The following SERPINB6 variants were observed in gnomAD, a reference collection of about 807,000 sequenced individuals.
SERPINB6 encodes serpin family B member 6.
SERPINB6 carries 16 observed loss-of-function variants against 26.1 expected under a neutral mutation model. The ratio of observed to expected loss-of-function variants is 0.61; its 90% confidence interval spans 0.42 to 0.93. SERPINB6 has a LOEUF of 0.93. SERPINB6 is among the 40% of genes least tolerant of loss of function. The pLI is 0.00. For missense variants in SERPINB6, 420 were observed against 478.0 expected (o/e 0.88, Z 1.13); for synonymous variants, 174 against 176.6 (o/e 0.99, Z 0.11).
In SERPINB6 at chr6:2,959,291, G is replaced by T. The variant is rs1417170261; in HGVS notation, c.42C>A (p.Asn14Lys). The part of the protein sequence containing the change: ...LAEANGTFAL[N>K]LLKTLGKDNS... ...TGTCTTTACCCAGCGTTTTCAAAAG[G>T]TTTAAGGCAAAGGTGCCATTTGCTT... The change falls in exon 2 of 7, where the codon AAC becomes AAA. Residue 14 changes from asparagine (N) to lysine (K), a missense_variant. Coordinates refer to ENST00000380539, the MANE Select transcript of SERPINB6 (RefSeq NM_004568.6). The T allele has an allele frequency of 1.9e-6, 3 of 1,614,188 alleles. No individual in the cohort carries two copies. The highest frequency in any genetic ancestry group is 2.2e-5 in the East Asian group (1 of 44,884).
chr6:2,951,395 T>A (rs9378349), intron 5 of SERPINB6, among the ~76,000 whole-genome samples: 42,710 of 93,078 alleles, frequency 0.46, 7,910 homozygotes, highest in East Asian at 0.56. Context: ...TTGGAAAAAA[T>A]AAAAAATAAA....
intron 1 of SERPINB6, chr6:2,966,503 C>T (rs1771659181): frequency 1.5e-6 from 1 of 678,248 alleles, no homozygotes; most frequent in Admixed American, 6.3e-5. Context: ...GCCTGAGCTC[C>T]ACCTCCTGTT....
chr6:2,953,327 G>C, intron 4 of SERPINB6, 141 bp from the exon 5 acceptor site: 1 of 1,146,326 alleles, frequency 8.7e-7, no homozygotes, highest in Non-Finnish European at 1.3e-6. Flanking sequence ...AAAGGGATAC[G>C]TGTCCTTAAA....
intron 1 of SERPINB6, chr6:2,970,401 T>A (rs1456795396): frequency 9.7e-7 from 1 of 1,026,030 alleles, no homozygotes; most frequent in East Asian, 8.0e-5. Context: ...GGTCCTGAAA[T>A]GAGAACAAAC....
At chr6:2,949,346 G>C (rs1387460394) in intron 5 of SERPINB6, among the ~76,000 whole-genome samples, 1 of 152,128 alleles carries the variant, frequency 6.6e-6, no homozygotes, top group Non-Finnish European at 1.5e-5. Context: ...CTCCCGCCTG[G>C]GCCTCTGCCC....
chr6:2,965,278 T>A (rs1035987491), intron 1 of SERPINB6, among the ~76,000 whole-genome samples: 10 of 152,250 alleles, frequency 6.6e-5, no homozygotes, highest in Admixed American at 5.9e-4. Flanking sequence ...AGGAATAATC[T>A]ACCAGCTGCA....
At position 2,953,292 on chromosome 6, in the gene SERPINB6, G is replaced by T. The variant is rs1422047873; in HGVS notation, c.431-106C>A. The T allele has an allele frequency of 3.4e-6, 5 of 1,461,504 alleles. No individual in the cohort carries two copies. In the African/African-American group the frequency reaches 7.0e-5, roughly 20 times the overall value. The allele number at this position is 1,461,504 out of a possible 1,614,324, so 90.5% of individuals were successfully genotyped here. A position where few individuals can be genotyped will look rare whatever the true frequency, so the allele number is the denominator to read the frequency against. ...CCTTCAGCAGTCAAGTGCACGGATAGAGAGTTCCACTGTCCCCCAAATATA... is the reference window on the plus strand; with the variant it reads ...CCTTCAGCAGTCAAGTGCACGGATATAGAGTTCCACTGTCCCCCAAATATA... On this transcript the variant is annotated intron_variant, in intron 4 of 6. Transcript: ENST00000380539.
chr6:2,950,376 T>C (rs1769645322), intron 5 of SERPINB6, among the ~76,000 whole-genome samples: 1 of 151,336 alleles, frequency 6.6e-6, no homozygotes, highest in South Asian at 2.1e-4. Context: ...CTACTAAAAA[T>C]AGAAAAATTA....
chr6:2,968,598 T>C (rs1771846922), intron 1 of SERPINB6: 4 of 1,216,340 alleles, frequency 3.3e-6, no homozygotes, highest in African/African-American at 1.6e-5. Context: ...TTATAGTTTA[T>C]TGAGTCTTCC....
chr6:2,954,462 A>G, intron 4 of SERPINB6, 130 bp downstream of exon 4: 3 of 788,178 alleles, frequency 3.8e-6, no homozygotes. Context: ...TCAGAAGCAG[A>G]TTTTTTAAGT....
At position 2,949,194 on chromosome 6, in the gene SERPINB6, C is replaced by A. The variant is rs554824555; in HGVS notation, c.574-125G>T. The A allele has an allele frequency of 6.5e-6, 7 of 1,071,770 alleles. No individual in the cohort carries two copies. The Admixed American group carries it at 1.4e-4, about 21-fold the overall frequency. 66.4% of individuals were successfully genotyped at this position (1,071,770 alleles called of 1,614,324 possible). A position where few individuals can be genotyped will look rare whatever the true frequency, so the allele number is the denominator to read the frequency against. ...CTCGGTTTCTCCCCAGCTTCCAGAA[C>A]ACCCGGCAGCGCCTGCTCTGCCATC... On this transcript the variant is annotated intron_variant, in intron 5 of 6. Transcript: ENST00000380539.
intron 2 of SERPINB6, 115 bp from the exon 3 acceptor site, chr6:2,955,785 A>G (rs1441980049): frequency 8.2e-7 from 1 of 1,216,016 alleles, no homozygotes; most frequent in African/African-American, 1.5e-5. Flanking sequence ...TGCTTAAAAG[A>G]TCTATCCGAG....
At position 2,962,794 on chromosome 6, in the gene SERPINB6, T is replaced by G. The variant is rs186764312; in HGVS notation, c.-10-3452A>C. On this transcript the variant is annotated intron_variant, in intron 1 of 6. Coordinates refer to ENST00000380539, the MANE Select transcript of SERPINB6 (RefSeq NM_004568.6). ...ATGTTAGTCATTAAATAACTGAATA[T>G]CCTACTCCTGATAAACACCCTTACG... Among the ~76,000 whole-genome samples, 54 of 152,320 alleles carry G rather than the reference T, an allele frequency of 3.5e-4. No individual in the cohort carries two copies. The East Asian group carries it at 3.7e-3, about 10-fold the overall frequency.
chr6:2,964,619 T>A (rs1052552065), intron 1 of SERPINB6, among the ~76,000 whole-genome samples: 1 of 152,144 alleles, frequency 6.6e-6, no homozygotes, highest in African/African-American at 2.4e-5. Flanking sequence ...TAACTCTTCT[T>A]TTTATGAAAT....
chr6:2,962,664 C>T (rs1771242713), intron 1 of SERPINB6, among the ~76,000 whole-genome samples: 1 of 152,182 alleles, frequency 6.6e-6, no homozygotes, highest in Non-Finnish European at 1.5e-5. Context: ...CTGCTGACAG[C>T]CGTGAAAGGT....
At chr6:2,953,524 T>A (rs948775277) in intron 4 of SERPINB6, among the ~76,000 whole-genome samples, 4 of 152,170 alleles carry the variant, frequency 2.6e-5, no homozygotes, top group Non-Finnish European at 5.9e-5. Flanking sequence ...CAGAAGATGT[T>A]CTTTACAAGC....
intron 1 of SERPINB6, chr6:2,969,768 A>ATG (rs141424938): frequency 0.38 from 339,274 of 896,386 alleles, 25,572 homozygotes; most frequent in South Asian, 0.44. Context: ...TGCAGTGTGT[A>ATG]TGTGTGTGTG....
intron 1 of SERPINB6, among the ~76,000 whole-genome samples, chr6:2,964,167 CTGAG>C (rs941867173): frequency 2.6e-5 from 4 of 152,108 alleles, no homozygotes; most frequent in African/African-American, 7.2e-5. Flanking sequence ...CCAGTATTTC[CTGAG>C]TATGATTTAG....
At chr6:2,966,937 G>A (rs1158008935) in intron 1 of SERPINB6, 3 of 985,222 alleles carry the variant, frequency 3.0e-6, no homozygotes, top group Non-Finnish European at 3.6e-6. Flanking sequence ...TTATAGGCAT[G>A]AGCCACCAAG....
Sources: gnomAD v4.1 joint callset for allele counts (sites outside exome capture counted in the v4.1 genomes callset) on GRCh38, gnomAD v4.1.1 for gene constraint, MANE v1.5 for transcripts, NCBI Gene and HGNC (gene_info 2026-07-23, HGNC 2026-07-21) for gene names.